TRRAP: variants seen among roughly 807,000 people sequenced by gnomAD.
The protein encoded by TRRAP is transformation/transcription domain associated protein, also known as transformation/transcription domain-associated protein.
A neutral mutation model predicts 438.8 loss-of-function variants in TRRAP; 41 were observed. The observed-to-expected ratio is 0.09, with a 90% CI of 0.07 to 0.12. The LOEUF is 0.12. Ranked by LOEUF, TRRAP falls within the 10% of genes least tolerant of loss-of-function variation. TRRAP has a pLI of 1.00. For synonymous variants in TRRAP, 1,994 were observed against 1,962.9 expected (o/e 1.02, Z -0.42); for missense variants, 3,122 against 5,055.1 (o/e 0.62, Z 11.60).
chr7:98,953,073 G>A lies in TRRAP; in HGVS notation c.5464-94G>A, dbSNP rs1302883018. On this transcript the variant is annotated intron_variant, in intron 39 of 72. Transcript: ENST00000456197. ...TGTGTGTGTGTGTGTGTGTGTGTGT[G>A]TGTGTGTTTTTAAGGCTTAAACCTG... 15 of 1,091,100 alleles carry A rather than the reference G, an allele frequency of 1.4e-5. No homozygotes were observed. In the African/African-American group the frequency reaches 2.1e-4, roughly 16 times the overall value. The allele number at this position is 1,091,100 out of a possible 1,614,324, so 67.6% of individuals were successfully genotyped here. A position where few individuals can be genotyped will look rare whatever the true frequency, so the allele number is the denominator to read the frequency against.
At chr7:98,897,638 A>G (rs1470528479) in intron 7 of TRRAP, 103 bp from the exon 8 acceptor site, 1 of 1,429,652 alleles carries the variant, frequency 7.0e-7, no homozygotes, top group African/African-American at 1.4e-5. Flanking sequence ...GTTTTTTTCC[A>G]CCAAAGAGTC....
At chr7:98,914,004 A>C (rs1228129979) in intron 18 of TRRAP, among the ~76,000 whole-genome samples, 1 of 152,246 alleles carries the variant, frequency 6.6e-6, no homozygotes, top group Admixed American at 6.5e-5. Context: ...AGATGGTGAC[A>C]CAGAGCTCCA....
At chr7:98,889,209 C>T (rs975377202) in intron 3 of TRRAP, among the ~76,000 whole-genome samples, 39 of 151,964 alleles carry the variant, frequency 2.6e-4, no homozygotes, top group African/African-American at 7.3e-4. Context: ...GATCCTCTTT[C>T]CTTATCTGTG....
chr7:98,996,021 CCT>C (rs1452713197), intron 67 of TRRAP, among the ~76,000 whole-genome samples: 1 of 150,574 alleles, frequency 6.6e-6, no homozygotes, highest in Admixed American at 6.6e-5. Flanking sequence ...TCTACTCACC[CCT>C]GTCCCATTCA....
intron 69 of TRRAP, 114 bp from the exon 70 acceptor site, chr7:99,008,263 C>A: frequency 1.8e-6 from 2 of 1,130,766 alleles, no homozygotes; most frequent in Non-Finnish European, 2.6e-6. Flanking sequence ...CAGCTAAGCC[C>A]CCAAGGCATA....
intron 62 of TRRAP, among the ~76,000 whole-genome samples, chr7:98,985,660 GCCTGTTGCCTTGTGTAGGCTCC>G (rs1201602659): frequency 6.6e-6 from 1 of 152,216 alleles, no homozygotes; most frequent in Non-Finnish European, 1.5e-5. Context: ...ACAAGATGCT[GCCTGTTGCCTTGTGTAGGCTCC>G]AGTGCCTGCT....
At position 98,976,896 on chromosome 7, in the gene TRRAP, GTC is replaced by G. The variant is rs926032073; in HGVS notation, c.8248-39_8248-38del. The G allele has an allele frequency of 1.9e-6, 3 of 1,608,588 alleles. No homozygotes were observed. The highest frequency in any genetic ancestry group is 1.1e-5 in the South Asian group (1 of 90,930). On this transcript the variant is annotated intron_variant, in intron 55 of 72. Transcript: ENST00000456197. The surrounding 1 kb of genome is among the most constrained non-coding windows in gnomAD (Gnocchi z 4.6). ...AAACTATTTTTAGGGGGGAAAAAAA[GTC>G]TCTGTCTCAAGCACTCAGGAACCTT...
chr7:98,945,108 C>G (rs1554416486), intron 31 of TRRAP, among the ~76,000 whole-genome samples: 1 of 152,160 alleles, frequency 6.6e-6, no homozygotes, highest in East Asian at 1.9e-4. Context: ...GCCAGCCTGC[C>G]CTGAAGCTTT....
chr7:98,983,021 G>C (rs1410091470), intron 59 of TRRAP, among the ~76,000 whole-genome samples: 1 of 152,152 alleles, frequency 6.6e-6, no homozygotes, highest in Non-Finnish European at 1.5e-5. Flanking sequence ...CCAGTCTCCT[G>C]TCTCTCAGGA....
At position 98,899,599 on chromosome 7, in the gene TRRAP, T is replaced by A. The variant is rs117340612; in HGVS notation, c.712-80T>A. On this transcript the variant is annotated intron_variant, in intron 9 of 72. Coordinates refer to ENST00000456197, the MANE Select transcript of TRRAP (RefSeq NM_001375524.1). ...TGTATAATACACACATGCTAAATAA[T>A]GTGATGATTCTTCGGTATGCCAGAT... is the stretch of plus-strand genomic sequence containing the variant. 8.7e-3 allele frequency: 13,994 copies of A among 1,604,082 alleles called. 101 individuals are homozygous for A. Among genetic ancestry groups the A allele is most frequent in the South Asian group, 0.013 (1,141 of 90,884 alleles).
intron 53 of TRRAP, among the ~76,000 whole-genome samples, chr7:98,975,548 G>A (rs1178359747): frequency 2.0e-5 from 3 of 152,208 alleles, no homozygotes; most frequent in African/African-American, 7.2e-5. Flanking sequence ...TGAATTTGCT[G>A]TGCCCTCCAG....
Position 98,976,953 on chromosome 7 carries a change from C to T in TRRAP, c.8262C>T (p.Ser2754=), listed in dbSNP as rs141899953. The part of the protein sequence containing the change: ...ITPPQQEILD[S]LAELYSLLQE... ...TGTGTTTTCAGGAGATACTGGATTC[C>T]CTTGCGGAGCTTTACTCCCTGTTAC... is the stretch of plus-strand genomic sequence containing the variant. The change falls in exon 56 of 73, where the codon TCC becomes TCT. Residue 2754 remains serine (S), a synonymous_variant. Transcript: ENST00000456197. This position sits in a 1 kb window ranked among gnomAD's most constrained non-coding sequence, Gnocchi z 4.6. The T allele has an allele frequency of 2.4e-4, 392 of 1,614,076 alleles. No individual in the cohort carries two copies. The African/African-American group carries it at 4.1e-3, about 17-fold the overall frequency.
chr7:98,930,228 T>C (rs1554412531), intron 24 of TRRAP, 22 bp downstream of exon 24: 1 of 1,612,398 alleles, frequency 6.2e-7, no homozygotes, highest in Non-Finnish European at 8.5e-7. Context: ...TTGAGGAGTG[T>C]CTTCTGATTT....
intron 44 of TRRAP, among the ~76,000 whole-genome samples, chr7:98,959,030 T>C (rs1584361403): frequency 6.6e-6 from 1 of 152,156 alleles, no homozygotes; most frequent in East Asian, 1.9e-4. Flanking sequence ...AAGGATCTGC[T>C]AAGTACCTAA....
At chr7:98,960,040 A>T (rs1360371717) in intron 45 of TRRAP, among the ~76,000 whole-genome samples, 1 of 152,020 alleles carries the variant, frequency 6.6e-6, no homozygotes, top group East Asian at 1.9e-4. Context: ...TAACCTTAAT[A>T]CAGTTCTCTT....
At chr7:98,919,313 C>T (rs1033238262) in intron 20 of TRRAP, among the ~76,000 whole-genome samples, 1 of 151,578 alleles carries the variant, frequency 6.6e-6, no homozygotes, top group African/African-American at 2.4e-5. Flanking sequence ...AAGAAGATGG[C>T]GTAGGGGCCA....
Position 98,977,062 on chromosome 7 carries a change from G to C in TRRAP, c.8371G>C (p.Gly2791Arg). The C allele has an allele frequency of 6.2e-7, 1 of 1,614,246 alleles. No individual in the cohort carries two copies. The highest frequency in any genetic ancestry group is 8.5e-7 in the Non-Finnish European group (1 of 1,180,046). ...TATAIAYEQH[G>R]FFEQAQESYE... ...GACTGCGATTGCTTACGAGCAGCAC[G>C]GGTTCTTTGAGCAGGTAAACCTCAG... Residue 2791 changes from glycine (G) to arginine (R), a missense_variant, in exon 56 of 73, where the codon GGG becomes CGG. By Grantham distance (125) the Gly-to-Arg change is moderately radical. Around this residue, in one of 24 missense-constraint regions of TRRAP, gnomAD observed 992 missense variants for 1,281.2 expected, o/e 0.77. Transcript: ENST00000456197.
At chr7:98,910,034 C>G (rs782250970) in intron 14 of TRRAP, 22 bp from the exon 15 acceptor site, 1 of 1,534,338 alleles carries the variant, frequency 6.5e-7, no homozygotes, top group Non-Finnish European at 8.8e-7. Flanking sequence ...TGTCTTCCCT[C>G]TTGAATTTCT....
chr7:98,910,983 A>G (rs1393558912), intron 16 of TRRAP, 94 bp from the exon 17 acceptor site: 4 of 1,092,216 alleles, frequency 3.7e-6, no homozygotes, highest in Non-Finnish European at 5.1e-6. Flanking sequence ...TAAGTGCTCT[A>G]TTTTAAGTAT....
Sources: gnomAD v4.1 joint callset for allele counts (sites outside exome capture counted in the v4.1 genomes callset) on GRCh38, gnomAD v4.1.1 for gene constraint, gnomAD v4.1.1 regional missense constraint, Gnocchi (gnomAD v3.1) non-coding constraint, MANE v1.5 for transcripts, NCBI Gene and HGNC (gene_info 2026-07-23, HGNC 2026-07-21) for gene names.